The following RARB variants were observed in gnomAD, a reference collection of about 807,000 sequenced individuals.
RARB encodes the protein HBV-activated protein.
In RARB, 17 loss-of-function variants were observed where a neutral mutation model predicts 51.9. That is an observed-to-expected ratio of 0.33 (90% CI 0.22 to 0.49). The LOEUF is 0.49. RARB is among the 20% of genes least tolerant of loss of function. The pLI, the probability that RARB is intolerant of heterozygous loss-of-function variation, is 0.99. For synonymous variants in RARB, 215 were observed against 195.4 expected (o/e 1.10, Z -0.84); for missense variants, 369 against 550.8 (o/e 0.67, Z 3.30).
intron 1 of RARB, chr3:24,833,035 T>C (rs1020376945): frequency 1.3e-5 from 2 of 152,246 alleles, no homozygotes; most frequent in African/African-American, 4.8e-5. Flanking sequence ...CACATGTTAA[T>C]CTCCACATGC....
intron 3 of RARB, among the ~76,000 whole-genome samples, chr3:25,081,732 A>AAG (rs1699008100): frequency 7.1e-6 from 1 of 139,870 alleles, no homozygotes; most frequent in Non-Finnish European, 1.5e-5. Flanking sequence ...TTCCGAGTTC[A>AAG]AGTGATTCTC....
intron 2 of RARB, among the ~76,000 whole-genome samples, chr3:24,949,219 G>A (rs1399589670): frequency 3.3e-5 from 5 of 152,188 alleles, no homozygotes; most frequent in South Asian, 4.1e-4. Flanking sequence ...CTGACCAGGC[G>A]TGAACAGTCA....
rs1706846881 is a variant in RARB, at chr3:25,388,053, A to AT, written c.179-73140_179-73139insT. On this transcript the variant is annotated intron_variant, in intron 5 of 11. Coordinates refer to the RARB transcript ENST00000383772. ...GAACATAAGGCTAGGTGGAAGTTAA[A>AT]GAAATGGAAATGCCACATTAACCTC... Among the ~76,000 whole-genome samples, 9 of 91,354 alleles carry AT rather than the reference A, an allele frequency of 9.9e-5. No homozygotes were observed. The South Asian group carries it at 3.4e-3, about 35-fold the overall frequency. The allele number at this position is 91,354 out of a possible 152,430, so 59.9% of individuals were successfully genotyped here.
chr3:25,206,168 G>A (rs550723474), intron 5 of RARB, among the ~76,000 whole-genome samples: 1 of 152,252 alleles, frequency 6.6e-6, no homozygotes, highest in African/African-American at 2.4e-5. Flanking sequence ...GTTTTCTCAA[G>A]TTCTATTTTC....
intron 5 of RARB, among the ~76,000 whole-genome samples, chr3:25,304,302 T>C (rs1704107728): frequency 6.6e-6 from 1 of 152,214 alleles, no homozygotes; most frequent in Non-Finnish European, 1.5e-5. Context: ...AAACATTTGC[T>C]CCATTTCCAC....
chr3:25,467,462 G>T (rs556223982), intron 2 of RARB, among the ~76,000 whole-genome samples: 12 of 144,536 alleles, frequency 8.3e-5, no homozygotes, highest in Non-Finnish European at 1.7e-4. Flanking sequence ...GCTTCTTCAC[G>T]TGGTGGATGG....
At chr3:25,278,504 A>G (rs1311027101) in intron 5 of RARB, among the ~76,000 whole-genome samples, 3 of 152,210 alleles carry the variant, frequency 2.0e-5, no homozygotes, top group Non-Finnish European at 4.4e-5. Flanking sequence ...CATAGGTACA[A>G]CAGTGTCTCT....
intron 7 of RARB, 61 bp from the exon 8 acceptor site, chr3:25,596,359 G>T (rs1443301131): frequency 3.8e-6 from 5 of 1,327,308 alleles, no homozygotes; most frequent in Middle Eastern, 2.4e-4. Flanking sequence ...ATTGGTCCCT[G>T]GTTATCTGTC....
chr3:25,238,157 C>G (rs192101512), intron 5 of RARB, among the ~76,000 whole-genome samples: 322 of 152,026 alleles, frequency 2.1e-3, no homozygotes, highest in African/African-American at 7.2e-3. Context: ...AGCGCCCCCC[C>G]ACACATCCTT....
chr3:25,143,206 AGCTAGCAGCT>A (rs1203061634), intron 4 of RARB, among the ~76,000 whole-genome samples: 1 of 152,130 alleles, frequency 6.6e-6, no homozygotes, highest in Non-Finnish European at 1.5e-5. Context: ...TTTGTAATTT[AGCTAGCAGCT>A]GCTAGCAGCT....
intron 5 of RARB, among the ~76,000 whole-genome samples, chr3:25,180,965 T>A (rs938077378): frequency 1.3e-5 from 2 of 152,158 alleles, no homozygotes; most frequent in African/African-American, 4.8e-5. Context: ...ATTACCTCTG[T>A]CTGCCAACTG....
intron 4 of RARB, 149 bp from the exon 5 acceptor site, chr3:25,580,397 C>A: frequency 2.8e-6 from 2 of 713,764 alleles, no homozygotes; most frequent in South Asian, 2.4e-5. Flanking sequence ...AAGGATGAAT[C>A]CAGGCTAAAA....
At chr3:25,455,494 G>A (rs1031340000) in intron 1 of RARB, among the ~76,000 whole-genome samples, 2 of 152,218 alleles carry the variant, frequency 1.3e-5, no homozygotes, top group African/African-American at 4.8e-5. Flanking sequence ...CAAGGAAGGG[G>A]ATTCTAGCTT....
chr3:25,170,883 C>A (rs1479484020), intron 4 of RARB, among the ~76,000 whole-genome samples: 1 of 152,046 alleles, frequency 6.6e-6, no homozygotes, highest in Admixed American at 6.5e-5. Context: ...TTACCAAGAC[C>A]CTACCACTAA....
At chr3:25,453,797 G>T (rs1048373124) in intron 1 of RARB, among the ~76,000 whole-genome samples, 1 of 152,116 alleles carries the variant, frequency 6.6e-6, no homozygotes, top group African/African-American at 2.4e-5. Flanking sequence ...TCACGGGCAG[G>T]TTACTGAGTC....
intron 2 of RARB, among the ~76,000 whole-genome samples, chr3:24,982,470 G>A (rs1575104830): frequency 6.6e-6 from 1 of 152,160 alleles, no homozygotes; most frequent in Non-Finnish European, 1.5e-5. Context: ...CAGTAGCTTT[G>A]ATGTGGTCCT....
chr3:24,857,686 C>T (rs866017998), intron 1 of RARB, among the ~76,000 whole-genome samples: 88 of 152,040 alleles, frequency 5.8e-4, no homozygotes, highest in African/African-American at 2.0e-3. Context: ...GAGACCAAGG[C>T]GGGTGGATCA....
At chr3:24,833,360 A>T (rs1004569745) in intron 1 of RARB, 1 of 152,126 alleles carries the variant, frequency 6.6e-6, no homozygotes, top group South Asian at 2.1e-4. Flanking sequence ...CTTGGATCTT[A>T]CCAACACTAG....
intron 5 of RARB, among the ~76,000 whole-genome samples, chr3:25,295,498 T>G (rs887791630): frequency 1.3e-5 from 2 of 152,336 alleles, no homozygotes; most frequent in East Asian, 3.9e-4. Context: ...TTCCATTGTT[T>G]ATGTATTACC....
Sources: allele counts gnomAD v4.1 joint callset (sites outside exome capture counted in the v4.1 genomes callset), GRCh38; gene constraint gnomAD v4.1.1; transcripts MANE v1.5; gene names NCBI Gene and HGNC (gene_info 2026-07-23, HGNC 2026-07-21).